SLC7A9: variants seen among roughly 807,000 people sequenced by gnomAD.
SLC7A9 encodes solute carrier family 7 member 9, also known as B(0,+)-type amino acid transporter 1.
A neutral mutation model predicts 54.1 loss-of-function variants in SLC7A9; 38 were observed. The ratio of observed to expected loss-of-function variants is 0.70; its 90% confidence interval spans 0.54 to 0.92. The LOEUF (loss-of-function observed/expected upper bound fraction) is 0.92. SLC7A9 is among the 40% of genes least tolerant of loss of function. SLC7A9 has a pLI of 0.00. For synonymous variants in SLC7A9, 264 were observed against 258.9 expected (o/e 1.02, Z -0.19); for missense variants, 537 against 636.1 (o/e 0.84, Z 1.68).
chr19:32,856,928 G>A (rs921341498), intron 9 of SLC7A9, among the ~76,000 whole-genome samples: 1 of 152,106 alleles, frequency 6.6e-6, no homozygotes, highest in Non-Finnish European at 1.5e-5. Flanking sequence ...TGAGGCAGGT[G>A]GATCACGAGG....
chr19:32,854,555 A>G (rs1287752616), intron 9 of SLC7A9, among the ~76,000 whole-genome samples: 2 of 152,144 alleles, frequency 1.3e-5, no homozygotes. Flanking sequence ...GAAAACAGGC[A>G]AGCTCTGTAA....
chr19:32,862,270 T>A, intron 5 of SLC7A9, 53 bp from the exon 6 acceptor site: 1 of 1,487,076 alleles, frequency 6.7e-7, no homozygotes, highest in Admixed American at 1.7e-5. Flanking sequence ...AGATCTTGAG[T>A]GTATCTCCAC....
chr19:32,835,905 GTGTGTA>G (rs1401251687), intron 11 of SLC7A9, among the ~76,000 whole-genome samples: 23 of 111,550 alleles, frequency 2.1e-4, no homozygotes, highest in African/African-American at 7.8e-4. Context: ...GTGTGTGTGT[GTGTGTA>G]TGTGTGTGTG....
chr19:32,867,929 CAAAAAA>C (rs57446079), intron 2 of SLC7A9, among the ~76,000 whole-genome samples: 718 of 66,010 alleles, frequency 0.011, 8 homozygotes, highest in South Asian at 0.03. Flanking sequence ...GACTCTGTCT[CAAAAAA>C]AAAAAAAAAA....
At chr19:32,842,744 C>T (rs768158554) in intron 10 of SLC7A9, among the ~76,000 whole-genome samples, 3 of 151,958 alleles carry the variant, frequency 2.0e-5, no homozygotes, top group Non-Finnish European at 2.9e-5. Context: ...TCCTGAGTAG[C>T]TGAGATTATA....
At chr19:32,846,074 A>G (rs1968282868) in intron 9 of SLC7A9, among the ~76,000 whole-genome samples, 1 of 152,224 alleles carries the variant, frequency 6.6e-6, no homozygotes, top group Non-Finnish European at 1.5e-5. Flanking sequence ...GCTCCGGTCT[A>G]CAGCTCCCAG....
chr19:32,848,211 T>C (rs1368883360), intron 9 of SLC7A9, among the ~76,000 whole-genome samples: 1 of 152,222 alleles, frequency 6.6e-6, no homozygotes, highest in African/African-American at 2.4e-5. Flanking sequence ...GTAAATGGGC[T>C]AAATGCTGCA....
At chr19:32,863,920 G>A (rs1247030505) in intron 4 of SLC7A9, among the ~76,000 whole-genome samples, 176 bp downstream of exon 4, 1 of 152,192 alleles carries the variant, frequency 6.6e-6, no homozygotes, top group Non-Finnish European at 1.5e-5. Flanking sequence ...CCTCCCTGCA[G>A]CCCCCACGGG....
chr19:32,845,364 G>A lies in SLC7A9; in HGVS notation c.978-1413C>T, dbSNP rs141316735. ...ACAAAAATTAGCCAGGTGTGGTGGC[G>A]GGCACCTGTAACCTCAGCTGAGGCT... On this transcript the variant is annotated intron_variant, in intron 9 of 12. Coordinates refer to ENST00000023064, the MANE Select transcript of SLC7A9 (RefSeq NM_014270.5). 5.2e-3 allele frequency among the ~76,000 whole-genome samples: 796 copies of A among 151,924 alleles called. 5 individuals carry two copies. Among genetic ancestry groups the A allele is most frequent in the Admixed American group, 7.1e-3 (109 of 15,256 alleles).
At chr19:32,853,389 T>C (rs1056148341) in intron 9 of SLC7A9, among the ~76,000 whole-genome samples, 1 of 152,230 alleles carries the variant, frequency 6.6e-6, no homozygotes, top group Non-Finnish European at 1.5e-5. Context: ...TATAAATTTA[T>C]GAAAATAATT....
intron 8 of SLC7A9, among the ~76,000 whole-genome samples, chr19:32,858,776 A>ATTTG (rs1968707255): frequency 6.9e-6 from 1 of 144,680 alleles, no homozygotes; most frequent in African/African-American, 2.9e-5. Context: ...ATCTTTATTT[A>ATTTG]TTTATTTATT....
intron 9 of SLC7A9, among the ~76,000 whole-genome samples, chr19:32,852,267 G>C (rs1968492511): frequency 6.6e-6 from 1 of 152,048 alleles, no homozygotes; most frequent in East Asian, 1.9e-4. Context: ...GAAGTGGGTG[G>C]ATTGCTTGAG....
At chr19:32,832,499 A>G (rs943656521) in intron 12 of SLC7A9, among the ~76,000 whole-genome samples, 1 of 151,446 alleles carries the variant, frequency 6.6e-6, no homozygotes, top group Non-Finnish European at 1.5e-5. Flanking sequence ...AGGCACAAGA[A>G]TCGCTTGAAC....
At chr19:32,838,604 A>G (rs1252229004) in intron 11 of SLC7A9, among the ~76,000 whole-genome samples, 3 of 148,176 alleles carry the variant, frequency 2.0e-5, no homozygotes, top group African/African-American at 4.9e-5. Flanking sequence ...TATATTATAC[A>G]TATACCTATA....
chr19:32,861,206 G>A (rs1968790765), intron 6 of SLC7A9, among the ~76,000 whole-genome samples: 1 of 152,036 alleles, frequency 6.6e-6, no homozygotes, highest in African/African-American at 2.4e-5. Flanking sequence ...GCAGGTGCCT[G>A]TAATCCCAGC....
intron 9 of SLC7A9, among the ~76,000 whole-genome samples, chr19:32,855,564 T>A (rs1349515116): frequency 6.6e-6 from 1 of 151,914 alleles, no homozygotes; most frequent in Non-Finnish European, 1.5e-5. Flanking sequence ...TAGCCGGGCG[T>A]GATGGCAGGC....
chr19:32,855,294 A>G (rs1968585473), intron 9 of SLC7A9, among the ~76,000 whole-genome samples: 1 of 152,170 alleles, frequency 6.6e-6, no homozygotes, highest in Admixed American at 6.6e-5. Flanking sequence ...GCCAAAAGAG[A>G]TAAGACAGAT....
At chr19:32,861,717 A>G (rs1275772346) in intron 6 of SLC7A9, among the ~76,000 whole-genome samples, 3 of 152,110 alleles carry the variant, frequency 2.0e-5, no homozygotes, top group Non-Finnish European at 4.4e-5. Context: ...CAGGAGGCTG[A>G]GGCGGGAAGC....
intron 8 of SLC7A9, among the ~76,000 whole-genome samples, chr19:32,858,782 T>TTATTTATG (rs1294165107): frequency 1.3e-5 from 2 of 151,388 alleles, no homozygotes; most frequent in African/African-American, 2.4e-5. Flanking sequence ...ATTTATTTAT[T>TTATTTATG]TATTTATTTA....
Sources: gnomAD v4.1 joint callset for allele counts (sites outside exome capture counted in the v4.1 genomes callset) on GRCh38, gnomAD v4.1.1 for gene constraint, MANE v1.5 for transcripts, NCBI Gene and HGNC (gene_info 2026-07-23, HGNC 2026-07-21) for gene names.